Variants in CACNA1G observed in about 807,000 individuals in gnomAD.
CACNA1G encodes the protein voltage-dependent T-type calcium channel subunit alpha-1G.
CACNA1G carries 67 observed loss-of-function variants against 219.4 expected under a neutral mutation model. That is an observed-to-expected ratio of 0.31 (90% CI 0.25 to 0.37). The LOEUF is 0.37. CACNA1G is among the 10% of genes least tolerant of loss of function. The probability of loss-of-function intolerance (pLI) is 1.00; values close to 1 mark genes in which losing one functional copy is unlikely to be tolerated. For missense variants in CACNA1G, 2,380 were observed against 3,231.4 expected (o/e 0.74, Z 6.39); for synonymous variants, 1,296 against 1,345.3 (o/e 0.96, Z 0.80).
At chr17:50,566,135 C>T (rs1465157502) in intron 1 of CACNA1G, among the ~76,000 whole-genome samples, 3 of 152,208 alleles carry the variant, frequency 2.0e-5, no homozygotes, top group African/African-American at 4.8e-5. Context: ...GACAAGACAA[C>T]AGCCTCAGTC....
chr17:50,561,282 A>C lies in CACNA1G; in HGVS notation c.-178A>C. On this transcript the variant is annotated 5_prime_UTR_variant, in exon 1 of 38. Transcript: ENST00000359106. ...CCCTGCGCCCCGGCGCCCCGCGGGC[A>C]GCATGCCCCTGCGGGCAGGGGGAGC... The C allele has an allele frequency of 1.6e-6, 1 of 643,762 alleles. No homozygotes were observed. The highest frequency in any genetic ancestry group is 2.5e-6 in the Non-Finnish European group (1 of 395,930). The allele number at this position is 643,762 out of a possible 1,614,324, so 39.9% of individuals were successfully genotyped here.
intron 14 of CACNA1G, 150 bp downstream of exon 14, chr17:50,595,211 C>T (rs953484158): frequency 2.0e-5 from 13 of 649,626 alleles, no homozygotes; most frequent in Middle Eastern, 4.1e-4. Context: ...AGGTTTGCTT[C>T]GATTTTAAGT....
In CACNA1G at chr17:50,621,703, T is replaced by C. The variant is rs1352004427; in HGVS notation, c.5969T>C (p.Ile1990Thr). The change falls in exon 35 of 38, where the codon ATT becomes ACT. Residue 1990 changes from isoleucine to threonine, a missense_variant. Coordinates refer to ENST00000359106, the MANE Select transcript of CACNA1G (RefSeq NM_018896.5). This position sits in a 1 kb window ranked among gnomAD's most constrained non-coding sequence, Gnocchi z 4.6. ...GAGGCTCTGTCTCTGACGTCAGAGA[T>C]TGTGTCTGAACCGTCCTGCTCTCTA... ...EMEALSLTSEIVSEPSCSLAL... is the reference protein window; with the variant it reads ...EMEALSLTSETVSEPSCSLAL... 3 of 1,613,862 alleles carry C rather than the reference T, an allele frequency of 1.9e-6. No individual in the cohort carries two copies. In the East Asian group the frequency reaches 6.7e-5, roughly 36 times the overall value.
chr17:50,597,352 T>C (rs1363437834), intron 16 of CACNA1G, among the ~76,000 whole-genome samples: 1 of 151,994 alleles, frequency 6.6e-6, no homozygotes, highest in African/African-American at 2.4e-5. Context: ...CCCTGGGAGG[T>C]AGGTACCACA....
At chr17:50,567,667 A>T (rs1008388400) in intron 1 of CACNA1G, among the ~76,000 whole-genome samples, 1 of 151,882 alleles carries the variant, frequency 6.6e-6, no homozygotes, top group Admixed American at 6.6e-5. Flanking sequence ...TCCTTTCCCC[A>T]ATCTCCTGCT....
rs1481597263 is a variant in CACNA1G, at chr17:50,618,684, C to T, written c.5457C>T (p.Ser1819=). The change falls in exon 33 of 38, where the codon TCC becomes TCT. Residue 1819 remains serine, a synonymous_variant. Transcript: ENST00000359106. The surrounding 1 kb of genome is among the most constrained non-coding windows in gnomAD (Gnocchi z 5.3). ...KDTLRDCDQE[S]TCYNTVISPI... The stretch of plus-strand genomic sequence containing the variant: ...CCCTCCGGGACTGTGACCAGGAGTC[C>T]ACCTGCTACAACACGGTCATCTCGC... 1 of 1,613,592 alleles carries T rather than the reference C, an allele frequency of 6.2e-7. No homozygotes were observed. The highest frequency in any genetic ancestry group is 8.5e-7 in the Non-Finnish European group (1 of 1,179,670).
chr17:50,574,906 G>A (rs1228309726), intron 7 of CACNA1G, among the ~76,000 whole-genome samples: 1 of 152,092 alleles, frequency 6.6e-6, no homozygotes, highest in Non-Finnish European at 1.5e-5. Context: ...AGGGTCAAGG[G>A]TTCAGCCCCT....
At chr17:50,564,526 A>C (rs1471806260) in intron 1 of CACNA1G, among the ~76,000 whole-genome samples, 1 of 121,788 alleles carries the variant, frequency 8.2e-6, no homozygotes, top group Non-Finnish European at 1.7e-5. Context: ...GAGGGGGGGG[A>C]GGCCTGAACG....
chr17:50,624,121 C>T, intron 36 of CACNA1G, 46 bp downstream of exon 36: 1 of 1,588,914 alleles, frequency 6.3e-7, no homozygotes, highest in Non-Finnish European at 8.6e-7. Flanking sequence ...AGGGAGATTC[C>T]ATCCTGGCCT....
chr17:50,574,373 A>G (rs544351916), intron 7 of CACNA1G, among the ~76,000 whole-genome samples: 4 of 152,230 alleles, frequency 2.6e-5, no homozygotes, highest in Non-Finnish European at 5.9e-5. Flanking sequence ...GCTCCTTGTG[A>G]GAGACAGAGG....
At position 50,599,706 on chromosome 17, in the gene CACNA1G, G is replaced by A; in HGVS notation, c.3537G>A (p.Gln1179=). ...CCTTTGACCTGCCAGACACACTGCA[G>A]GTGCCAGGGCTGCATCGCACTGCCA... ...KSSFDLPDTL[Q]VPGLHRTASG... is the part of the protein sequence containing the mutation. The change falls in exon 17 of 38, where the codon CAG becomes CAA. Residue 1179 remains glutamine, a synonymous_variant. Transcript: ENST00000359106. The A allele has an allele frequency of 6.2e-7, 1 of 1,613,504 alleles. No homozygotes were observed. Among genetic ancestry groups the A allele is most frequent in the Non-Finnish European group, 8.5e-7 (1 of 1,179,716 alleles).
intron 26 of CACNA1G, among the ~76,000 whole-genome samples, chr17:50,615,084 G>A (rs1598702723): frequency 2.0e-5 from 3 of 152,210 alleles, no homozygotes; most frequent in African/African-American, 7.2e-5. Context: ...AGGCTGCCTA[G>A]GGGAGGGGGC....
intron 9 of CACNA1G, among the ~76,000 whole-genome samples, chr17:50,589,247 C>T (rs1331490693): frequency 1.3e-5 from 2 of 152,138 alleles, no homozygotes; most frequent in African/African-American, 4.8e-5. Context: ...GATCCCCCCA[C>T]CCCGTGCCAC....
At chr17:50,623,045 C>A (rs532039898) in intron 35 of CACNA1G, among the ~76,000 whole-genome samples, 1 of 151,492 alleles carries the variant, frequency 6.6e-6, no homozygotes, top group African/African-American at 2.4e-5. Flanking sequence ...TCCTCTCCCC[C>A]TCACCTCCCC....
At chr17:50,586,536 G>A (rs975974490) in intron 9 of CACNA1G, among the ~76,000 whole-genome samples, 2 of 152,204 alleles carry the variant, frequency 1.3e-5, no homozygotes, top group Admixed American at 1.3e-4. Flanking sequence ...CCCCCAGTGT[G>A]GTGTTTAGTT....
chr17:50,561,260 T>TGCGCCCCG lies in CACNA1G; in HGVS notation c.-191_-184dup. 2 of 580,290 alleles carry TGCGCCCCG rather than the reference T, an allele frequency of 3.4e-6. No homozygotes were observed. Among genetic ancestry groups the TGCGCCCCG allele is most frequent in the Non-Finnish European group, 5.8e-6 (2 of 342,272 alleles). The allele number at this position is 580,290 out of a possible 1,614,324, so 35.9% of individuals were successfully genotyped here. A position where few individuals can be genotyped will look rare whatever the true frequency, so the allele number is the denominator to read the frequency against. On this transcript the variant is annotated 5_prime_UTR_variant, in exon 1 of 38. Coordinates refer to ENST00000359106, the MANE Select transcript of CACNA1G (RefSeq NM_018896.5). ...GGACTCGCGCCGGGCGGGGTTTCCC[T>TGCGCCCCG]GCGCCCCGGCGCCCCGCGGGCAGCA... is the stretch of plus-strand genomic sequence containing the variant.
Position 50,561,039 on chromosome 17 carries a change from G to T in CACNA1G, c.-421G>T, listed in dbSNP as rs961734925. The T allele has an allele frequency of 3.0e-6, 1 of 335,744 alleles. No homozygotes were observed. The highest frequency in any genetic ancestry group is 5.7e-6 in the Non-Finnish European group (1 of 175,066). 20.8% of individuals were successfully genotyped at this position (335,744 alleles called of 1,614,324 possible). On this transcript the variant is annotated 5_prime_UTR_variant, in exon 1 of 38. Coordinates refer to ENST00000359106, the MANE Select transcript of CACNA1G (RefSeq NM_018896.5). ...TTAGATCCGGCTCCAGCTGCGCCGC[G>T]GGAAGAGGGGGCGCCCCTCCCCGGA... is the stretch of plus-strand genomic sequence containing the variant.
intron 26 of CACNA1G, 56 bp from the exon 27 acceptor site, chr17:50,615,304 AG>A: frequency 1.7e-6 from 2 of 1,183,512 alleles, no homozygotes; most frequent in Admixed American, 3.3e-5. Flanking sequence ...CTGGGGGTGG[AG>A]GGGTGCGGGG....
At chr17:50,568,823 C>A in intron 1 of CACNA1G, 47 bp from the exon 2 acceptor site, 2 of 1,499,026 alleles carry the variant, frequency 1.3e-6, no homozygotes, top group Non-Finnish European at 1.9e-6. Flanking sequence ...GTCGGGGGGC[C>A]GGCCTCAGCT....
Sources: gnomAD v4.1 joint callset for allele counts (sites outside exome capture counted in the v4.1 genomes callset) on GRCh38, gnomAD v4.1.1 for gene constraint, Gnocchi (gnomAD v3.1) non-coding constraint, MANE v1.5 for transcripts, NCBI Gene and HGNC (gene_info 2026-07-23, HGNC 2026-07-21) for gene names.